Variants in ZNF25 observed in about 807,000 individuals in gnomAD.
The protein encoded by ZNF25 is zinc finger protein 25 (KOX 19).
ZNF25 carries 21 observed loss-of-function variants against 30.9 expected under a neutral mutation model. The observed-to-expected ratio is 0.68, with a 90% CI of 0.48 to 0.98. ZNF25 has a LOEUF of 0.98. Ranked by LOEUF, ZNF25 falls within the 50% of genes least tolerant of loss-of-function variation. The pLI, the probability that ZNF25 is intolerant of heterozygous loss-of-function variation, is 0.00. For synonymous variants in ZNF25, 169 were observed against 181.3 expected (o/e 0.93, Z 0.55); for missense variants, 501 against 529.9 (o/e 0.95, Z 0.54).
At chr10:37,964,974 G>A (rs980194844) in intron 2 of ZNF25, among the ~76,000 whole-genome samples, 2 of 152,208 alleles carry the variant, frequency 1.3e-5, no homozygotes, top group African/African-American at 4.8e-5. Context: ...GCAGCCTTGT[G>A]ACACTGTTCC....
intron 2 of ZNF25, chr10:37,967,792 A>G (rs1456872076): frequency 2.6e-5 from 4 of 152,268 alleles, no homozygotes; most frequent in Non-Finnish European, 5.9e-5. Flanking sequence ...AAAACTCAAT[A>G]CCCACATGCG....
Position 37,957,542 on chromosome 10 carries a change from G to A in ZNF25, c.20C>T (p.Pro7Leu), listed in dbSNP as rs754248543. 6.2e-7 allele frequency: 1 copy of A among 1,612,522 alleles called. No individual in the cohort carries two copies. Among genetic ancestry groups the A allele is most frequent in the Non-Finnish European group, 8.5e-7 (1 of 1,179,362 alleles). The stretch of plus-strand genomic sequence containing the variant: ...CACAATAACATCCTTTAATGTCACG[G>A]GTCCCTGGAATAACATACTTCAGTT... Reference protein sequence around the residue: MNKFQGPVTLKDVIVEF... With the variant: MNKFQGLVTLKDVIVEF... The change falls in exon 3 of 6, where the codon CCC (proline) becomes CTC (leucine). Residue 7 changes from proline (P) to leucine (L), a missense_variant. By Grantham distance (98) the Pro-to-Leu change is moderately conservative. Transcript: ENST00000302609.
chr10:37,957,326 C>A (rs2135326149), intron 3 of ZNF25, 94 bp downstream of exon 3: 3 of 1,464,726 alleles, frequency 2.0e-6, no homozygotes, highest in Admixed American at 4.3e-5. Context: ...TAGATAATGT[C>A]AATCATTCAA....
At position 37,952,702 on chromosome 10, in the gene ZNF25, C is replaced by T. The variant is rs1469351782; in HGVS notation, c.796G>A (p.Ala266Thr). The T allele has an allele frequency of 6.2e-7, 1 of 1,606,660 alleles. No individual in the cohort carries two copies. Among genetic ancestry groups the T allele is most frequent in the African/African-American group, 1.4e-5 (1 of 72,798 alleles). ...KPYECKECGK[A>T]FSQKSHLTVH... is the part of the protein sequence containing the mutation. ...GTGAGGTGTGACTTCTGGGAAAAGG[C>T]TTTCCCACACTCCTTACACTCATAG... The change falls in exon 6 of 6, where the codon GCC (alanine) becomes ACC (threonine). Residue 266 changes from alanine to threonine, a missense_variant. Physicochemically the swap from Ala to Thr is moderately conservative, Grantham distance 58 (BLOSUM62 0). Coordinates refer to ENST00000302609, the MANE Select transcript of ZNF25 (RefSeq NM_145011.4).
intron 2 of ZNF25, among the ~76,000 whole-genome samples, chr10:37,962,460 G>A (rs1036743728): frequency 6.6e-6 from 1 of 152,038 alleles, no homozygotes; most frequent in African/African-American, 2.4e-5. Context: ...CATTTTCTGG[G>A]CCAGAAAAAT....
Position 37,953,077 on chromosome 10 carries a change from A to T in ZNF25, c.421T>A (p.Ser141Thr), listed in dbSNP as rs1484892329. 6.2e-7 allele frequency: 1 copy of T among 1,613,228 alleles called. No homozygotes were observed. The highest frequency in any genetic ancestry group is 8.5e-7 in the Non-Finnish European group (1 of 1,179,732). Reference protein sequence around the residue: ...SALIVHQHTHSKGKSYDCDKC... With the variant: ...SALIVHQHTHTKGKSYDCDKC... ...TCACAGTCATAGGATTTGCCCTTTG[A>T]GTGAGTATGCTGATGTACTATGAGG... is the stretch of plus-strand genomic sequence containing the variant. The change falls in exon 6 of 6, where the codon TCA becomes ACA. Residue 141 changes from serine (S) to threonine (T), a missense_variant. Ser to Thr is a moderately conservative substitution (Grantham distance 58). Transcript: ENST00000302609.
chr10:37,951,923 T>C lies in ZNF25; in HGVS notation c.*204A>G, dbSNP rs1024392522. ...GACTTCTGCCATCTATATTATCTAA[T>C]ATTTAGAAAAGCCTAAAATATGATA... On this transcript the variant is annotated 3_prime_UTR_variant, in exon 6 of 6. Transcript: ENST00000302609. The C allele has an allele frequency of 3.1e-5, 14 of 448,170 alleles. No individual in the cohort carries two copies. The Admixed American group carries it at 5.4e-4, about 17-fold the overall frequency. 27.8% of individuals were successfully genotyped at this position (448,170 alleles called of 1,614,324 possible).
intron 3 of ZNF25, 28 bp from the exon 4 acceptor site, chr10:37,957,143 A>G: frequency 6.3e-7 from 1 of 1,591,734 alleles, no homozygotes. Context: ...CAAGGAAATG[A>G]TACAAATTGC....
At chr10:37,962,209 C>G (rs2062922615) in intron 2 of ZNF25, among the ~76,000 whole-genome samples, 1 of 151,140 alleles carries the variant, frequency 6.6e-6, no homozygotes, top group Non-Finnish European at 1.5e-5. Context: ...CCACTGCACT[C>G]CAGCCTGGGC....
At position 37,951,969 on chromosome 10, in the gene ZNF25, G is replaced by A; in HGVS notation, c.*158C>T. The A allele has an allele frequency of 3.6e-6, 2 of 562,960 alleles. No individual in the cohort carries two copies. Among genetic ancestry groups the A allele is most frequent in the Non-Finnish European group, 5.8e-6 (2 of 346,050 alleles). The allele number at this position is 562,960 out of a possible 1,614,324, so 34.9% of individuals were successfully genotyped here. A position where few individuals can be genotyped will look rare whatever the true frequency, so the allele number is the denominator to read the frequency against. ...TGATAAAATTTTCTCCCAAATAAATGTACAGAATCTCTCTATGTATTTGCT... is the reference window on the plus strand; with the variant it reads ...TGATAAAATTTTCTCCCAAATAAATATACAGAATCTCTCTATGTATTTGCT... On this transcript the variant is annotated 3_prime_UTR_variant, in exon 6 of 6. Coordinates refer to ENST00000302609, the MANE Select transcript of ZNF25 (RefSeq NM_145011.4).
Position 37,961,309 on chromosome 10 carries a change from G to T in ZNF25, c.16-3763C>A, listed in dbSNP as rs572593749. The stretch of plus-strand genomic sequence containing the variant: ...CTTCTATTTCTGTGAAAACATACAA[G>T]TACTAGTTTCTTAAATGACAGCAAT... On this transcript the variant is annotated intron_variant, in intron 2 of 5. Transcript: ENST00000302609. 3.3e-5 allele frequency among the ~76,000 whole-genome samples: 5 copies of T among 152,156 alleles called. No homozygotes were observed. The South Asian group carries it at 8.3e-4, about 25-fold the overall frequency.
chr10:37,957,433 G>C lies in ZNF25; in HGVS notation c.129C>G (p.His43Gln), dbSNP rs771334392. The change falls in exon 3 of 6, where the codon CAC (histidine) becomes CAG (glutamine). Residue 43 changes from histidine (H) to glutamine (Q), a missense_variant. Coordinates refer to ENST00000302609, the MANE Select transcript of ZNF25 (RefSeq NM_145011.4). ...AGTTTTCCTCACCCACTGAGACAAG[G>C]TGACTATAGTTTTCCAGCATCACAT... ...YKDVMLENYS[H>Q]LVSVGYHVNK... 6.2e-7 allele frequency: 1 copy of C among 1,612,738 alleles called. No homozygotes were observed. The highest frequency in any genetic ancestry group is 8.5e-7 in the Non-Finnish European group (1 of 1,179,496).
chr10:37,958,130 C>T (rs1470246446), intron 2 of ZNF25, among the ~76,000 whole-genome samples: 2 of 152,120 alleles, frequency 1.3e-5, no homozygotes, highest in East Asian at 1.9e-4. Context: ...TTCCTGATAT[C>T]GAGGAGCTTA....
intron 2 of ZNF25, among the ~76,000 whole-genome samples, chr10:37,965,017 C>T (rs2063104061): frequency 6.6e-6 from 1 of 152,166 alleles, no homozygotes; most frequent in Admixed American, 6.6e-5. Flanking sequence ...CCAGCTTCAG[C>T]TCAAGGGGGT....
At chr10:37,972,606 T>C (rs190578778) in intron 1 of ZNF25, among the ~76,000 whole-genome samples, 103 of 152,294 alleles carry the variant, frequency 6.8e-4, no homozygotes, top group Middle Eastern at 6.8e-3. Context: ...GACACAAATC[T>C]ACCTTCTAAA....
intron 2 of ZNF25, among the ~76,000 whole-genome samples, chr10:37,961,688 G>A (rs956890014): frequency 6.6e-6 from 1 of 151,978 alleles, no homozygotes; most frequent in African/African-American, 2.4e-5. Flanking sequence ...TTGGGAGGCC[G>A]AGGCAGGCAG....
intron 2 of ZNF25, among the ~76,000 whole-genome samples, chr10:37,962,131 AC>A (rs1329307889): frequency 6.6e-6 from 1 of 151,378 alleles, no homozygotes; most frequent in Non-Finnish European, 1.5e-5. Flanking sequence ...AATCCCAGCT[AC>A]TCAGGAGGCT....
intron 2 of ZNF25, chr10:37,967,812 T>C (rs1418008717): frequency 1.3e-5 from 2 of 152,190 alleles, no homozygotes; most frequent in Non-Finnish European, 2.9e-5. Context: ...GTGAGTTAAA[T>C]GGGAACTCTA....
intron 4 of ZNF25, among the ~76,000 whole-genome samples, chr10:37,954,118 C>T (rs1430269911): frequency 6.6e-6 from 1 of 152,124 alleles, no homozygotes; most frequent in Admixed American, 6.5e-5. Context: ...CCTTAAGGAC[C>T]ATGAACAGTA....
Sources: gnomAD v4.1 joint callset for allele counts (sites outside exome capture counted in the v4.1 genomes callset) on GRCh38, gnomAD v4.1.1 for gene constraint, MANE v1.5 for transcripts, NCBI Gene and HGNC (gene_info 2026-07-23, HGNC 2026-07-21) for gene names.